Variants in SLC9A1 observed in about 807,000 individuals in gnomAD.
SLC9A1 encodes the protein sodium/hydrogen exchanger 1.
A neutral mutation model predicts 67.9 loss-of-function variants in SLC9A1; 22 were observed. That is an observed-to-expected ratio of 0.32 (90% CI 0.23 to 0.46). SLC9A1 has a LOEUF of 0.46. SLC9A1 is among the 20% of genes least tolerant of loss of function. SLC9A1 has a pLI of 1.00. For synonymous variants in SLC9A1, 421 were observed against 471.8 expected (o/e 0.89, Z 1.40); for missense variants, 686 against 1,094.8 (o/e 0.63, Z 5.27).
Position 27,109,856 on chromosome 1 carries a change from C to T in SLC9A1, c.814-79G>A. On this transcript the variant is annotated intron_variant, in intron 2 of 11. Transcript: ENST00000263980. The surrounding 1 kb of genome is among the most constrained non-coding windows in gnomAD (Gnocchi z 5.5). ...TTCCCTGGGGTCCACCCAGGGCAAT[C>T]CTGTCCCCTCCGTTAACCATGGCCA... The T allele has an allele frequency of 3.3e-6, 5 of 1,511,714 alleles. No individual in the cohort carries two copies. Among genetic ancestry groups the T allele is most frequent in the Non-Finnish European group, 3.6e-6 (4 of 1,103,528 alleles). The allele number at this position is 1,511,714 out of a possible 1,614,324, so 93.6% of individuals were successfully genotyped here.
rs1260281515 is a variant in SLC9A1, at chr1:27,101,751, G to C, written c.2011C>G (p.Gln671Glu). ...TTCTGCTCCAGCTGCCGGGCCTTCT[G>C]CCTCCGGAGCAGCATCTGGTTCCAG... ...EAWNQMLLRR[Q>E]KARQLEQKIN... Residue 671 changes from glutamine (Q) to glutamate (E), a missense_variant, in exon 10 of 12, where the codon CAG (glutamine) becomes GAG (glutamate). Coordinates refer to ENST00000263980, the MANE Select transcript of SLC9A1 (RefSeq NM_003047.5). The surrounding 1 kb of genome is among the most constrained non-coding windows in gnomAD (Gnocchi z 4.9). 6.2e-7 allele frequency: 1 copy of C among 1,613,008 alleles called. No individual in the cohort carries two copies. Among genetic ancestry groups the C allele is most frequent in the Non-Finnish European group, 8.5e-7 (1 of 1,179,634 alleles).
At chr1:27,133,833 C>T (rs966807998) in intron 1 of SLC9A1, among the ~76,000 whole-genome samples, 3 of 150,870 alleles carry the variant, frequency 2.0e-5, no homozygotes, top group African/African-American at 7.3e-5. Context: ...GGCGCGATCT[C>T]GGCTCACTGC....
chr1:27,154,237 C>T lies in SLC9A1; in HGVS notation c.98G>A (p.Arg33Lys). 3 of 1,614,014 alleles carry T rather than the reference C, an allele frequency of 1.9e-6. No individual in the cohort carries two copies. Among genetic ancestry groups the T allele is most frequent in the Non-Finnish European group, 2.5e-6 (3 of 1,179,960 alleles). The part of the protein sequence containing the change: ...VALVGLLPVL[R>K]SHGLQLSPTA... ...TGGGCTGAGCTGGAGGCCATGGCTC[C>T]TGAGAACAGGCAGCAGCCCCACCAA... The change falls in exon 1 of 12, where the codon AGG (arginine) becomes AAG (lysine). Residue 33 changes from arginine to lysine, a missense_variant. This residue lies in a region of SLC9A1 where 143 missense variants were observed against 166.7 expected (regional missense o/e 0.86). Transcript: ENST00000263980.
At chr1:27,143,129 G>A (rs146056585) in intron 1 of SLC9A1, among the ~76,000 whole-genome samples, 6 of 150,096 alleles carry the variant, frequency 4.0e-5, no homozygotes, top group Admixed American at 4.0e-4. Flanking sequence ...ACTGTCTGCA[G>A]ACTATTTTGG....
At position 27,153,875 on chromosome 1, in the gene SLC9A1, T is replaced by G. The variant is rs1015427672; in HGVS notation, c.352+108A>C. 7.1e-6 allele frequency: 5 copies of G among 703,288 alleles called. No individual in the cohort carries two copies. The Admixed American group carries it at 7.7e-5, about 11-fold the overall frequency. 43.6% of individuals were successfully genotyped at this position (703,288 alleles called of 1,614,324 possible). A position where few individuals can be genotyped will look rare whatever the true frequency, so the allele number is the denominator to read the frequency against. On this transcript the variant is annotated intron_variant, in intron 1 of 11. Coordinates refer to ENST00000263980, the MANE Select transcript of SLC9A1 (RefSeq NM_003047.5). ...GGCAGGATGGAGACTGCCTACTTTA[T>G]GGGGGTAGTTCAGATCCTTACTCCT...
chr1:27,136,114 AG>A (rs1281803173), intron 1 of SLC9A1, among the ~76,000 whole-genome samples: 1 of 152,182 alleles, frequency 6.6e-6, no homozygotes, highest in African/African-American at 2.4e-5. Flanking sequence ...GGGCCCCTCT[AG>A]AGGCAGTCTC....
chr1:27,115,042 G>C (rs1316090296), intron 1 of SLC9A1, among the ~76,000 whole-genome samples: 2 of 152,146 alleles, frequency 1.3e-5, no homozygotes, highest in African/African-American at 4.8e-5. Context: ...CCACTTTAAA[G>C]ATGGGGCAAC....
chr1:27,133,611 C>T (rs895371037), intron 1 of SLC9A1, among the ~76,000 whole-genome samples: 33 of 152,106 alleles, frequency 2.2e-4, no homozygotes, highest in African/African-American at 6.8e-4. Context: ...GTAGTTAGGA[C>T]GGGAAGGGTG....
intron 1 of SLC9A1, among the ~76,000 whole-genome samples, chr1:27,133,935 T>C (rs2083402781): frequency 6.6e-6 from 1 of 151,978 alleles, no homozygotes; most frequent in Admixed American, 6.6e-5. Context: ...CTGCTAATTT[T>C]TGTATTTTTA....
rs181909742 is a variant in SLC9A1 at position 27,116,185 on chromosome 1, C to A, written c.353-1899G>T. Reference sequence around the variant, plus strand: ...GACCAGCCTGACCAATATGGTGAAACCCTGTCTCTACTAAAAATATAAAAA... The same window carrying A: ...GACCAGCCTGACCAATATGGTGAAAACCTGTCTCTACTAAAAATATAAAAA... On this transcript the variant is annotated intron_variant, in intron 1 of 11. Transcript: ENST00000263980. 3.6e-3 allele frequency among the ~76,000 whole-genome samples: 548 copies of A among 152,214 alleles called. 11 individuals are homozygous for A. The highest frequency in any genetic ancestry group is 2.9e-3 in the East Asian group (15 of 5,178).
intron 1 of SLC9A1, among the ~76,000 whole-genome samples, chr1:27,152,352 G>C (rs959713083): frequency 6.6e-6 from 1 of 152,210 alleles, no homozygotes; most frequent in African/African-American, 2.4e-5. Flanking sequence ...GTAATGCCAG[G>C]TGTGGTGGGC....
rs544544356 is a variant in SLC9A1, at chr1:27,106,221, G to T, written c.1283-134C>A. 14 of 652,504 alleles carry T rather than the reference G, an allele frequency of 2.1e-5. No individual in the cohort carries two copies. The highest frequency in any genetic ancestry group is 8.3e-5 in the Admixed American group (3 of 36,328). 40.4% of individuals were successfully genotyped at this position (652,504 alleles called of 1,614,324 possible). ...GCCCACCCCGCTCACTCAATTCCTG[G>T]GTCCCTCAGCCCAGAGTGCTCTGAA... On this transcript the variant is annotated intron_variant, in intron 4 of 11. Transcript: ENST00000263980. The surrounding 1 kb of genome is among the most constrained non-coding windows in gnomAD (Gnocchi z 4.3).
At chr1:27,135,024 C>A (rs1392234748) in intron 1 of SLC9A1, among the ~76,000 whole-genome samples, 2 of 151,876 alleles carry the variant, frequency 1.3e-5, no homozygotes, top group Non-Finnish European at 2.9e-5. Flanking sequence ...GCATGAGCCA[C>A]CATGCCAGAC....
chr1:27,140,520 T>C (rs1240641970), intron 1 of SLC9A1, among the ~76,000 whole-genome samples: 2 of 152,180 alleles, frequency 1.3e-5, no homozygotes, highest in South Asian at 2.1e-4. Context: ...GCAACTCCCA[T>C]TAGTGAGCAC....
At chr1:27,143,048 A>T (rs907757389) in intron 1 of SLC9A1, among the ~76,000 whole-genome samples, 3 of 18,810 alleles carry the variant, frequency 1.6e-4, no homozygotes, top group South Asian at 1.8e-3. Flanking sequence ...CAACTGTGTA[A>T]AAAAAAAAAA....
At chr1:27,141,135 G>T (rs1265424998) in intron 1 of SLC9A1, among the ~76,000 whole-genome samples, 1 of 152,212 alleles carries the variant, frequency 6.6e-6, no homozygotes, top group East Asian at 1.9e-4. Flanking sequence ...CAGGGAGGCA[G>T]AGGTTGCAGT....
Position 27,100,266 on chromosome 1 carries a change from A to C in SLC9A1, c.*41T>G. 14 of 1,427,034 alleles carry C rather than the reference A, an allele frequency of 9.8e-6. No homozygotes were observed. The highest frequency in any genetic ancestry group is 2.4e-5 in the East Asian group (1 of 41,880). 88.4% of individuals were successfully genotyped at this position (1,427,034 alleles called of 1,614,324 possible). On this transcript the variant is annotated 3_prime_UTR_variant, in exon 12 of 12. Coordinates refer to ENST00000263980, the MANE Select transcript of SLC9A1 (RefSeq NM_003047.5). The surrounding 1 kb of genome is among the most constrained non-coding windows in gnomAD (Gnocchi z 5.6). ...CCCCAGCAGCCCCTGCTCTGGTGGA[A>C]GAGTCTGTGAGGGGACAGGCGCTGC...
intron 1 of SLC9A1, among the ~76,000 whole-genome samples, chr1:27,138,662 A>G (rs1185904848): frequency 6.6e-6 from 1 of 152,022 alleles, no homozygotes; most frequent in Non-Finnish European, 1.5e-5. Flanking sequence ...CAGGCTGGGG[A>G]TCGAGCAAAT....
intron 1 of SLC9A1, among the ~76,000 whole-genome samples, chr1:27,135,208 C>T (rs2083411902): frequency 6.6e-6 from 1 of 151,942 alleles, no homozygotes; most frequent in South Asian, 2.1e-4. Context: ...TGCCACCATG[C>T]CCTACTAATT....
Sources: gnomAD v4.1 joint callset for allele counts (sites outside exome capture counted in the v4.1 genomes callset) on GRCh38, gnomAD v4.1.1 for gene constraint, gnomAD v4.1.1 regional missense constraint, Gnocchi (gnomAD v3.1) non-coding constraint, MANE v1.5 for transcripts, NCBI Gene and HGNC (gene_info 2026-07-23, HGNC 2026-07-21) for gene names.